Variants in IL23R observed in about 807,000 individuals in gnomAD.
IL23R encodes interleukin-23 receptor.
In IL23R, 34 loss-of-function variants were observed where a neutral mutation model predicts 56.9. That is an observed-to-expected ratio of 0.60 (90% CI 0.45 to 0.80). The LOEUF (loss-of-function observed/expected upper bound fraction) is 0.80. Ranked by LOEUF, IL23R falls within the 30% of genes least tolerant of loss-of-function variation. The pLI is 0.00. For synonymous variants in IL23R, 230 were observed against 249.2 expected, an observed-to-expected ratio of 0.92 and a Z score of 0.73; for missense variants, 635 against 730.0, an observed-to-expected ratio of 0.87 and a Z score of 1.50.
intron 9 of IL23R, among the ~76,000 whole-genome samples, chr1:67,254,986 T>C (rs1652858922): frequency 1.3e-5 from 2 of 152,194 alleles, no homozygotes; most frequent in South Asian, 4.1e-4. Flanking sequence ...CTGCAAGACA[T>C]GTTCCCCAGC....
In IL23R at chr1:67,175,700, A is replaced by C. The variant is rs779161906; in HGVS notation, c.367+6062A>C. 6.4e-4 allele frequency among the ~76,000 whole-genome samples: 98 copies of C among 152,220 alleles called. 1 individual carries two copies. Among genetic ancestry groups the C allele is most frequent in the Non-Finnish European group, 6.0e-4 (41 of 68,038 alleles). On this transcript the variant is annotated intron_variant, in intron 3 of 10. Transcript: ENST00000347310. ...TTAAGGCTGAGTAATATCTTATTGC[A>C]TGTATGAACACCCAACTTTTAAAAT... is the stretch of plus-strand genomic sequence containing the variant.
At chr1:67,144,350 T>C (rs1198908808) in intron 1 of IL23R, among the ~76,000 whole-genome samples, 1 of 152,226 alleles carries the variant, frequency 6.6e-6, no homozygotes, top group East Asian at 1.9e-4. Flanking sequence ...GCATTCCTTC[T>C]AGAAACAGGA....
chr1:67,225,751 C>G (rs1319973053), intron 7 of IL23R, among the ~76,000 whole-genome samples: 1 of 151,876 alleles, frequency 6.6e-6, no homozygotes, highest in Non-Finnish European at 1.5e-5. Context: ...CTCAAATGAT[C>G]CCCCTGCCTT....
At chr1:67,156,414 T>C (rs1424852579) in intron 1 of IL23R, among the ~76,000 whole-genome samples, 2 of 152,118 alleles carry the variant, frequency 1.3e-5, no homozygotes, top group Non-Finnish European at 2.9e-5. Context: ...ACTGCAGCTG[T>C]CCCCTCCCTC....
intron 6 of IL23R, among the ~76,000 whole-genome samples, chr1:67,216,368 C>A (rs1333080725): frequency 1.3e-5 from 2 of 151,996 alleles, no homozygotes; most frequent in African/African-American, 4.8e-5. Context: ...TAATGGTGTC[C>A]AACTTTAGTG....
chr1:67,165,385 A>G (rs1043404765), upstream of IL23R, among the ~76,000 whole-genome samples: 1 of 152,204 alleles, frequency 6.6e-6, no homozygotes, highest in African/African-American at 2.4e-5. Context: ...GTTATCATGG[A>G]AAACAGTGTG....
intron 3 of IL23R, among the ~76,000 whole-genome samples, chr1:67,175,573 G>T (rs937276072): frequency 6.6e-6 from 1 of 152,056 alleles, no homozygotes; most frequent in African/African-American, 2.4e-5. Context: ...CTTGTGTAAG[G>T]GGTCATGCAA....
At chr1:67,162,067 A>G (rs760371344), upstream of IL23R, among the ~76,000 whole-genome samples, 1 of 152,126 alleles carries the variant, frequency 6.6e-6, no homozygotes, top group Non-Finnish European at 1.5e-5. Flanking sequence ...ATAGCCTTTT[A>G]CTATCTTATT....
At chr1:67,150,244 C>T (rs890925433) in intron 1 of IL23R, among the ~76,000 whole-genome samples, 3 of 124,400 alleles carry the variant, frequency 2.4e-5, no homozygotes, top group Non-Finnish European at 4.8e-5. Flanking sequence ...ACAGGCATTT[C>T]GAACTTTTTT....
At chr1:67,248,474 A>G (rs901780897) in intron 9 of IL23R, among the ~76,000 whole-genome samples, 1 of 151,616 alleles carries the variant, frequency 6.6e-6, no homozygotes, top group Middle Eastern at 3.2e-3. Context: ...CAGGTCATTT[A>G]TGTTCTTCTC....
intron 6 of IL23R, among the ~76,000 whole-genome samples, chr1:67,211,380 G>A (rs1315223860): frequency 6.6e-6 from 1 of 152,168 alleles, no homozygotes; most frequent in Admixed American, 6.5e-5. Flanking sequence ...CAGCACTTTG[G>A]GAGGCCAAGG....
At chr1:67,257,854 C>T (rs1653034551) in intron 10 of IL23R, among the ~76,000 whole-genome samples, 1 of 152,140 alleles carries the variant, frequency 6.6e-6, no homozygotes, top group Non-Finnish European at 1.5e-5. Flanking sequence ...CAGGCTTGCG[C>T]TACTACGCCT....
At chr1:67,192,467 A>G (rs1647825508) in intron 4 of IL23R, among the ~76,000 whole-genome samples, 1 of 152,138 alleles carries the variant, frequency 6.6e-6, no homozygotes, top group Non-Finnish European at 1.5e-5. Context: ...ATCTCTATTT[A>G]CAGTCATTAC....
chr1:67,140,297 T>G (rs1394966979), intron 1 of IL23R, among the ~76,000 whole-genome samples: 1 of 152,142 alleles, frequency 6.6e-6, no homozygotes, highest in Non-Finnish European at 1.5e-5. Context: ...TCAAAAAAAG[T>G]CATTAAAAAT....
intron 1 of IL23R, among the ~76,000 whole-genome samples, chr1:67,159,300 T>C (rs1159682759): frequency 6.6e-6 from 1 of 151,778 alleles, no homozygotes; most frequent in Non-Finnish European, 1.5e-5. Context: ...TCAGAAGATC[T>C]AATTGTTTAA....
At chr1:67,233,661 A>G (rs1651257226) in intron 7 of IL23R, among the ~76,000 whole-genome samples, 1 of 152,306 alleles carries the variant, frequency 6.6e-6, no homozygotes, top group African/African-American at 2.4e-5. Context: ...TTGTAAGACT[A>G]AAGTTTGGTG....
At chr1:67,212,467 G>T (rs765497193) in intron 6 of IL23R, among the ~76,000 whole-genome samples, 1 of 152,062 alleles carries the variant, frequency 6.6e-6, no homozygotes, top group African/African-American at 2.4e-5. Context: ...ACTTCAAAGC[G>T]ACAGGAAAGC....
At chr1:67,248,743 C>T (rs1036303305) in intron 9 of IL23R, among the ~76,000 whole-genome samples, 4 of 152,198 alleles carry the variant, frequency 2.6e-5, no homozygotes, top group Non-Finnish European at 5.9e-5. Flanking sequence ...CCCAATCAAG[C>T]CAGTGGATCT....
chr1:67,141,728 A>T (rs1218806489), intron 1 of IL23R, among the ~76,000 whole-genome samples: 1 of 152,210 alleles, frequency 6.6e-6, no homozygotes, highest in Non-Finnish European at 1.5e-5. Context: ...ACTGCACACC[A>T]GCCTGGGTGA....
Sources: gnomAD v4.1 joint callset for allele counts (sites outside exome capture counted in the v4.1 genomes callset) on GRCh38, gnomAD v4.1.1 for gene constraint, MANE v1.5 for transcripts, NCBI Gene and HGNC (gene_info 2026-07-23, HGNC 2026-07-21) for gene names.